The following FRAS1 variants were observed in gnomAD, a reference collection of about 807,000 sequenced individuals.
FRAS1 encodes Fraser extracellular matrix complex subunit 1.
In FRAS1, 290 loss-of-function variants were observed where a neutral mutation model predicts 435.2. That is an observed-to-expected ratio of 0.67 (90% confidence interval 0.61 to 0.73). The LOEUF is 0.73. Ranked by LOEUF, FRAS1 falls within the 30% of genes least tolerant of loss-of-function variation. FRAS1 has a pLI of 0.00. For missense variants in FRAS1, 4,860 were observed against 5,001.5 expected (o/e 0.97, Z 0.85); for synonymous variants, 1,800 against 1,851.0 (o/e 0.97, Z 0.71).
chr4:78,128,058 C>T (rs1419279346), intron 2 of FRAS1, among the ~76,000 whole-genome samples: 1 of 152,006 alleles, frequency 6.6e-6, no homozygotes. Flanking sequence ...CAGTTTCATC[C>T]ATGTCCCTAC....
intron 34 of FRAS1, among the ~76,000 whole-genome samples, chr4:78,423,556 G>A (rs1733880460): frequency 6.6e-6 from 1 of 152,158 alleles, no homozygotes; most frequent in Admixed American, 6.5e-5. Flanking sequence ...CACAAAAGTG[G>A]TGATTTCTTA....
chr4:78,265,596 T>C (rs1726311489), intron 7 of FRAS1, among the ~76,000 whole-genome samples: 2 of 152,124 alleles, frequency 1.3e-5, no homozygotes, highest in African/African-American at 4.8e-5. Flanking sequence ...AAAAGTACTA[T>C]TGGATAGCCT....
chr4:78,407,947 A>G (rs935763786), intron 31 of FRAS1, 106 bp downstream of exon 31: 2 of 956,394 alleles, frequency 2.1e-6, no homozygotes, highest in Non-Finnish European at 3.0e-6. Flanking sequence ...AGGAAATCAC[A>G]TTTGGGGGAC....
rs145575024 is a variant in FRAS1, at chr4:78,322,569, T to G, written c.2137+3583T>G. On this transcript the variant is annotated intron_variant, in intron 18 of 73. Coordinates refer to ENST00000512123, the MANE Select transcript of FRAS1 (RefSeq NM_025074.7). ...GCTAATAAAAGCAAGAGACAGATTCTTTATAGGAAGAAGCAATTTACTTAG... is the reference window on the plus strand; with the variant it reads ...GCTAATAAAAGCAAGAGACAGATTCGTTATAGGAAGAAGCAATTTACTTAG... Among the ~76,000 whole-genome samples the G allele has an allele frequency of 1.7e-3, 257 of 152,228 alleles. 7 individuals carry two copies. The highest frequency in any genetic ancestry group is 5.9e-3 in the African/African-American group (247 of 41,522).
chr4:78,442,257 C>T (rs1406106949), intron 41 of FRAS1, among the ~76,000 whole-genome samples: 1 of 152,188 alleles, frequency 6.6e-6, no homozygotes, highest in Admixed American at 6.5e-5. Context: ...AATGTTTGTG[C>T]TAGATAAAGT....
At position 78,278,658 on chromosome 4, in the gene FRAS1, G is replaced by A. The variant is rs1727176496; in HGVS notation, c.985G>A (p.Glu329Lys). Reference sequence around the variant, plus strand: ...ACTGCAACCCTTATTTCTACAGGATGAAGAATTAATTCACTTAGATGGAAA... The same window carrying A: ...ACTGCAACCCTTATTTCTACAGGATAAAGAATTAATTCACTTAGATGGAAA... ...ECAKVECARDEELIHLDGKCC... is the reference protein window; with the variant it reads ...ECAKVECARDKELIHLDGKCC... The change falls in exon 10 of 74, where the codon GAA becomes AAA. Residue 329 changes from glutamate to lysine, a missense_variant. Glu to Lys is a moderately conservative substitution (Grantham distance 56). Coordinates refer to ENST00000512123, the MANE Select transcript of FRAS1 (RefSeq NM_025074.7). The A allele has an allele frequency of 1.9e-6, 3 of 1,572,036 alleles. No homozygotes were observed. The African/African-American group carries it at 4.0e-5, about 21-fold the overall frequency.
At chr4:78,342,290 C>T (rs1730424349) in intron 20 of FRAS1, among the ~76,000 whole-genome samples, 1 of 152,170 alleles carries the variant, frequency 6.6e-6, no homozygotes. Flanking sequence ...GACATCAAAT[C>T]CAGCACACCG....
At chr4:78,396,547 A>T (rs750164924) in intron 29 of FRAS1, among the ~76,000 whole-genome samples, 1 of 152,194 alleles carries the variant, frequency 6.6e-6, no homozygotes, top group Non-Finnish European at 1.5e-5. Flanking sequence ...TTTCGAATAT[A>T]TCATCTCATT....
chr4:78,253,374 A>G (rs1182182601), intron 5 of FRAS1, among the ~76,000 whole-genome samples: 1 of 152,200 alleles, frequency 6.6e-6, no homozygotes. Context: ...TTTTACAATC[A>G]ATTTGTACAA....
intron 2 of FRAS1, among the ~76,000 whole-genome samples, chr4:78,116,118 T>A (rs1396190516): frequency 6.6e-6 from 1 of 152,142 alleles, no homozygotes; most frequent in African/African-American, 2.4e-5. Context: ...AGGTTATTCA[T>A]TTTCCATGTA....
chr4:78,136,047 G>A (rs1050011065), intron 2 of FRAS1, among the ~76,000 whole-genome samples: 7 of 152,096 alleles, frequency 4.6e-5, no homozygotes, highest in African/African-American at 1.7e-4. Context: ...TCACACCTTT[G>A]AACTCATGGC....
intron 14 of FRAS1, among the ~76,000 whole-genome samples, chr4:78,292,413 A>G (rs1727940902): frequency 6.6e-6 from 1 of 152,138 alleles, no homozygotes; most frequent in East Asian, 1.9e-4. Flanking sequence ...AAACCTATAA[A>G]ATTTACAACT....
At chr4:78,156,532 A>T (rs936876750) in intron 2 of FRAS1, among the ~76,000 whole-genome samples, 3 of 152,098 alleles carry the variant, frequency 2.0e-5, no homozygotes, top group African/African-American at 7.2e-5. Context: ...GGAAACAATG[A>T]TGCCCACCTG....
intron 65 of FRAS1, among the ~76,000 whole-genome samples, chr4:78,514,730 T>C (rs1386679770): frequency 6.6e-6 from 1 of 152,178 alleles, no homozygotes; most frequent in Admixed American, 6.5e-5. Context: ...CTAAGATATT[T>C]ATCAACCCTT....
chr4:78,386,438 A>G (rs1732220546), intron 28 of FRAS1, among the ~76,000 whole-genome samples: 1 of 152,168 alleles, frequency 6.6e-6, no homozygotes, highest in Non-Finnish European at 1.5e-5. Context: ...CTAAAGACTA[A>G]CTATCATCTA....
rs779262689 is a variant in FRAS1, at chr4:78,282,821, A to G, written c.1109A>G (p.Glu370Gly). Residue 370 changes from glutamate (E) to glycine (G), a missense_variant and splice_region_variant, in exon 12 of 74, where the codon GAG (glutamate) becomes GGG (glycine). By Grantham distance (98) the Glu-to-Gly change is moderately conservative. Coordinates refer to ENST00000512123, the MANE Select transcript of FRAS1 (RefSeq NM_025074.7). Reference protein sequence around the residue: ...SNASEVKRIPEGEKWEDGPCK... With the variant: ...SNASEVKRIPGGEKWEDGPCK... The stretch of plus-strand genomic sequence containing the variant: ...GCTGTTCTTCACTTTTTTGCGTAGG[A>G]GGGAGAGAAGTGGGAAGATGGCCCT... 6.2e-7 allele frequency: 1 copy of G among 1,612,876 alleles called. No individual in the cohort carries two copies. Among genetic ancestry groups the G allele is most frequent in the South Asian group, 1.1e-5 (1 of 90,896 alleles).
intron 20 of FRAS1, among the ~76,000 whole-genome samples, chr4:78,356,151 G>T (rs1399533982): frequency 6.6e-6 from 1 of 152,092 alleles, no homozygotes; most frequent in Non-Finnish European, 1.5e-5. Context: ...TGGCCACGGG[G>T]GTAGTTCTGT....
chr4:78,128,081 C>T (rs1366305691), intron 2 of FRAS1, among the ~76,000 whole-genome samples: 4 of 152,112 alleles, frequency 2.6e-5, no homozygotes, highest in African/African-American at 4.8e-5. Context: ...AGGACATGAA[C>T]TCATCATTTT....
At chr4:78,341,403 A>C (rs970214912) in intron 20 of FRAS1, among the ~76,000 whole-genome samples, 2 of 152,192 alleles carry the variant, frequency 1.3e-5, no homozygotes, top group Non-Finnish European at 2.9e-5. Context: ...GTGAAGAGAA[A>C]GATCTGCGGA....
Sources: gnomAD v4.1 joint callset for allele counts (sites outside exome capture counted in the v4.1 genomes callset) on GRCh38, gnomAD v4.1.1 for gene constraint, MANE v1.5 for transcripts, NCBI Gene and HGNC (gene_info 2026-07-23, HGNC 2026-07-21) for gene names.